The following NFIA variants were observed in gnomAD, a reference collection of about 807,000 sequenced individuals.
The protein encoded by NFIA is nuclear factor I A, also known as nuclear factor 1 A-type.
In NFIA, 8 loss-of-function variants were observed where a neutral mutation model predicts 62.8. The ratio of observed to expected loss-of-function variants is 0.13; its 90% CI spans 0.07 to 0.23. NFIA has a LOEUF of 0.23. Ranked by LOEUF, NFIA falls within the 10% of genes least tolerant of loss-of-function variation. The pLI is 1.00. For synonymous variants in NFIA, 235 were observed against 238.1 expected (o/e 0.99, Z 0.12); for missense variants, 410 against 642.1 (o/e 0.64, Z 3.91).
intron 2 of NFIA, among the ~76,000 whole-genome samples, chr1:61,225,683 C>T (rs530901581): frequency 2.0e-5 from 3 of 151,354 alleles, no homozygotes; most frequent in Admixed American, 6.6e-5. Flanking sequence ...GCTGAATAAG[C>T]ACAAATGATT....
chr1:61,228,913 G>C (rs1654496951), intron 2 of NFIA, among the ~76,000 whole-genome samples: 6 of 151,938 alleles, frequency 3.9e-5, no homozygotes, highest in Admixed American at 3.9e-4. Context: ...GCAACAATAA[G>C]CTCAATAATC....
intron 3 of NFIA, among the ~76,000 whole-genome samples, chr1:61,328,488 C>A (rs1570586376): frequency 6.6e-6 from 1 of 151,882 alleles, no homozygotes; most frequent in Non-Finnish European, 1.5e-5. Flanking sequence ...ATGGCACGAT[C>A]TCGGCTCACC....
chr1:61,094,444 C>G (rs1166956856), intron 2 of NFIA, among the ~76,000 whole-genome samples: 1 of 152,114 alleles, frequency 6.6e-6, no homozygotes, highest in Non-Finnish European at 1.5e-5. Context: ...TAGCTTTTTT[C>G]AGACTAAGAC....
chr1:61,406,029 A>G (rs1665801619), intron 8 of NFIA, among the ~76,000 whole-genome samples: 1 of 152,216 alleles, frequency 6.6e-6, no homozygotes, highest in African/African-American at 2.4e-5. Flanking sequence ...TAAATGTTAT[A>G]TAATATCAAC....
chr1:61,418,349 A>G (rs1463204447), intron 9 of NFIA, among the ~76,000 whole-genome samples: 3 of 151,946 alleles, frequency 2.0e-5, no homozygotes, highest in South Asian at 2.1e-4. Flanking sequence ...GGTCCCAGCT[A>G]CTCGGTAGGC....
upstream of NFIA, chr1:61,082,466 C>G: frequency 1.9e-6 from 2 of 1,062,316 alleles, no homozygotes; most frequent in South Asian, 3.1e-5. Flanking sequence ...CGCGGGCACC[C>G]GGCCGGGCCG....
Position 61,319,828 on chromosome 1 carries a change from CACACA to C in NFIA, c.626-12683_626-12679del, listed in dbSNP as rs1371101464. 9.8e-5 allele frequency among the ~76,000 whole-genome samples: 12 copies of C among 122,880 alleles called. No individual in the cohort carries two copies. In the South Asian group the frequency reaches 1.2e-3, roughly 12 times the overall value. The allele number at this position is 122,880 out of a possible 152,430, so 80.6% of individuals were successfully genotyped here. ...ACACACACACACACACACACACACA[CACACA>C]CACCAACTTTCATGATCACACTCTA... On this transcript the variant is annotated intron_variant, in intron 3 of 10. Coordinates refer to ENST00000403491, the MANE Select transcript of NFIA (RefSeq NM_001134673.4).
Position 61,245,030 on chromosome 1 carries a change from T to G in NFIA, c.560-32490T>G, listed in dbSNP as rs556774317. Among the ~76,000 whole-genome samples the G allele has an allele frequency of 8.5e-5, 13 of 152,316 alleles. No homozygotes were observed. The South Asian group carries it at 1.7e-3, about 19-fold the overall frequency. On this transcript the variant is annotated intron_variant, in intron 2 of 10. Coordinates refer to ENST00000403491, the MANE Select transcript of NFIA (RefSeq NM_001134673.4). Reference sequence around the variant, plus strand: ...TGGAACTAAATGTCCTCTTGCTAGGTTTGTCCAACTCAAACATGTATTATG... The same window carrying G: ...TGGAACTAAATGTCCTCTTGCTAGGGTTGTCCAACTCAAACATGTATTATG...
chr1:61,122,700 G>A (rs1392834493), intron 2 of NFIA, among the ~76,000 whole-genome samples: 1 of 152,198 alleles, frequency 6.6e-6, no homozygotes, highest in Non-Finnish European at 1.5e-5. Context: ...CCAATGTGTG[G>A]ACTGTGTCTA....
intron 7 of NFIA, among the ~76,000 whole-genome samples, chr1:61,397,867 G>C (rs1355669314): frequency 1.3e-5 from 2 of 152,226 alleles, no homozygotes; most frequent in African/African-American, 4.8e-5. Flanking sequence ...AGCCAGCACA[G>C]ACCAAGGCAT....
chr1:61,189,217 G>C (rs773581875), intron 2 of NFIA, among the ~76,000 whole-genome samples: 2 of 152,168 alleles, frequency 1.3e-5, no homozygotes, highest in Non-Finnish European at 2.9e-5. Flanking sequence ...AAGCTAAGCA[G>C]ACAAGGACAA....
At chr1:61,378,962 A>T (rs1218249616) in intron 6 of NFIA, among the ~76,000 whole-genome samples, 1 of 152,186 alleles carries the variant, frequency 6.6e-6, no homozygotes, top group Non-Finnish European at 1.5e-5. Context: ...CTTTTATACA[A>T]GGCTCCCCTG....
intron 4 of NFIA, among the ~76,000 whole-genome samples, chr1:61,333,829 C>T (rs565665436): frequency 1.3e-5 from 2 of 152,174 alleles, no homozygotes; most frequent in Admixed American, 6.5e-5. Context: ...GAAACCCCGT[C>T]TCGACTAAAA....
intron 4 of NFIA, among the ~76,000 whole-genome samples, chr1:61,351,238 T>A (rs892365926): frequency 6.6e-6 from 1 of 152,212 alleles, no homozygotes. Context: ...CGCAGACTTT[T>A]AAAAAATTAA....
intron 2 of NFIA, among the ~76,000 whole-genome samples, chr1:61,225,413 G>C (rs1003149900): frequency 3.3e-5 from 5 of 151,996 alleles, no homozygotes; most frequent in African/African-American, 9.7e-5. Flanking sequence ...ACCATGCCCA[G>C]CTAATTTTTG....
intron 3 of NFIA, among the ~76,000 whole-genome samples, chr1:61,285,677 A>C (rs1658441440): frequency 1.3e-5 from 2 of 152,110 alleles, no homozygotes; most frequent in African/African-American, 2.4e-5. Flanking sequence ...GGTGGAGGGT[A>C]GGGGGCACTA....
At chr1:61,128,348 A>G (rs1647011904) in intron 2 of NFIA, among the ~76,000 whole-genome samples, 1 of 152,040 alleles carries the variant, frequency 6.6e-6, no homozygotes. Flanking sequence ...GATGATCTTC[A>G]GGCCTGTAAT....
chr1:61,213,931 T>G, intron 2 of NFIA, among the ~76,000 whole-genome samples: 1 of 152,170 alleles, frequency 6.6e-6, no homozygotes, highest in Non-Finnish European at 1.5e-5. Flanking sequence ...GGTTGTACTT[T>G]TCATGAGTAG....
chr1:61,183,639 C>T (rs1333621629), intron 2 of NFIA, among the ~76,000 whole-genome samples: 1 of 152,142 alleles, frequency 6.6e-6, no homozygotes, highest in Non-Finnish European at 1.5e-5. Flanking sequence ...AAACACTTTC[C>T]CTTGGATGTT....
Sources: allele counts gnomAD v4.1 joint callset (sites outside exome capture counted in the v4.1 genomes callset), GRCh38; gene constraint gnomAD v4.1.1; transcripts MANE v1.5; gene names NCBI Gene and HGNC (gene_info 2026-07-23, HGNC 2026-07-21).